HGSNAT: variants seen among roughly 807,000 people sequenced by gnomAD.
HGSNAT encodes transmembrane protein 76.
HGSNAT carries 59 observed loss-of-function variants against 85.2 expected under a neutral mutation model. That is an observed-to-expected ratio of 0.69 (90% CI 0.56 to 0.86). HGSNAT has a LOEUF of 0.86. Among genes scored for constraint, HGSNAT ranks in the 40% least tolerant of loss-of-function variants. The pLI is 0.00. For missense variants in HGSNAT, 756 were observed against 777.1 expected (o/e 0.97, Z 0.32); for synonymous variants, 321 against 304.5 (o/e 1.05, Z -0.56).
chr8:43,172,343 T>C lies in HGSNAT; in HGVS notation c.777T>C (p.Tyr259=), dbSNP rs376365655. 2 of 1,612,142 alleles carry C rather than the reference T, an allele frequency of 1.2e-6. No homozygotes were observed. The highest frequency in any genetic ancestry group is 1.7e-6 in the Non-Finnish European group (2 of 1,178,280). ...IALILMVFVN[Y]GGGKYWYFKH... is the part of the protein sequence containing the mutation. ...TTATACTCATGGTCTTTGTCAATTATGGAGGAGGAAAATATTGGTACTTCA... is the reference window on the plus strand; with the variant it reads ...TTATACTCATGGTCTTTGTCAATTACGGAGGAGGAAAATATTGGTACTTCA... The change falls in exon 8 of 18, where the codon TAT becomes TAC. Residue 259 remains tyrosine (Y), a synonymous_variant. Transcript: ENST00000379644.
In HGSNAT at chr8:43,154,744, C is replaced by A. The variant is rs529254576; in HGVS notation, c.235-3831C>A. ...GCTGGGTCAAATGGTATTTCTAGTT[C>A]TAGATCCCTGAGGAATCGCCACACC... On this transcript the variant is annotated intron_variant, in intron 2 of 17. Transcript: ENST00000379644. 3.6e-3 allele frequency among the ~76,000 whole-genome samples: 544 copies of A among 152,264 alleles called. 11 individuals carry two copies. The highest frequency in any genetic ancestry group is 0.033 in the Admixed American group (505 of 15,288).
At chr8:43,197,593 AAT>A (rs1273516113) in intron 15 of HGSNAT, 77 bp from the exon 16 acceptor site, 2 of 985,296 alleles carry the variant, frequency 2.0e-6, no homozygotes, top group Non-Finnish European at 3.2e-6. Flanking sequence ...TTAAATAACT[AAT>A]ATATATTGGT....
In HGSNAT at chr8:43,146,944, C is replaced by T; in HGVS notation, c.119-4C>T. On this transcript the variant is annotated splice_polypyrimidine_tract_variant and splice_region_variant and intron_variant, in intron 1 of 17. Coordinates refer to ENST00000379644, the MANE Select transcript of HGSNAT (RefSeq NM_152419.3). ...TTTTTTTAACTTTTCCTAATTTCTA[C>T]CAGACTTAGACAAAAAAAGACATGC... The T allele has an allele frequency of 6.6e-7, 1 of 1,518,560 alleles. No homozygotes were observed. Among genetic ancestry groups the T allele is most frequent in the South Asian group, 1.2e-5 (1 of 82,050 alleles). The allele number at this position is 1,518,560 out of a possible 1,614,324, so 94.1% of individuals were successfully genotyped here.
chr8:43,143,992 A>G (rs1394974244), intron 1 of HGSNAT, among the ~76,000 whole-genome samples: 1 of 152,232 alleles, frequency 6.6e-6, no homozygotes, highest in African/African-American at 2.4e-5. Flanking sequence ...AATGCATATC[A>G]GAAGCTATTC....
chr8:43,177,799 A>G (rs1803865165), intron 9 of HGSNAT, among the ~76,000 whole-genome samples: 2 of 152,088 alleles, frequency 1.3e-5, no homozygotes, highest in Admixed American at 1.3e-4. Context: ...TTTCTTTTTG[A>G]TAACGAAATG....
chr8:43,190,533 C>G (rs1586749666), intron 11 of HGSNAT, among the ~76,000 whole-genome samples: 1 of 152,218 alleles, frequency 6.6e-6, no homozygotes, highest in East Asian at 1.9e-4. Flanking sequence ...GGGCACAGAG[C>G]TTGGTCAGCC....
At chr8:43,186,621 T>A (rs1484154473) in intron 11 of HGSNAT, among the ~76,000 whole-genome samples, 1 of 152,214 alleles carries the variant, frequency 6.6e-6, no homozygotes, top group Non-Finnish European at 1.5e-5. Context: ...TTTGAAGGGT[T>A]TTTTGTGTTT....
At chr8:43,166,377 ACT>A (rs1803435802) in intron 5 of HGSNAT, among the ~76,000 whole-genome samples, 1 of 152,260 alleles carries the variant, frequency 6.6e-6, no homozygotes, top group Admixed American at 6.5e-5. Flanking sequence ...GGACAGGCTG[ACT>A]CTCTTGTTAG....
intron 11 of HGSNAT, among the ~76,000 whole-genome samples, chr8:43,183,996 T>A (rs1586742421): frequency 6.6e-6 from 1 of 152,250 alleles, no homozygotes. Context: ...TAGTATTCCA[T>A]GGTGTATATG....
chr8:43,179,607 G>A (rs1248690773), intron 10 of HGSNAT, among the ~76,000 whole-genome samples: 17 of 72,248 alleles, frequency 2.4e-4, no homozygotes, highest in South Asian at 1.8e-3. Flanking sequence ...CAGTAGGGGC[G>A]GCCGGGCAGA....
intron 1 of HGSNAT, among the ~76,000 whole-genome samples, chr8:43,142,955 T>C (rs1287353381): frequency 6.6e-6 from 1 of 152,150 alleles, no homozygotes; most frequent in Non-Finnish European, 1.5e-5. Flanking sequence ...GTGGAGAAAT[T>C]ACGAAGGAAA....
rs549114375 is a variant in HGSNAT at position 43,193,884 on chromosome 8, A to G, written c.1464+41A>G. The G allele has an allele frequency of 1.4e-4, 225 of 1,604,400 alleles. 4 individuals are homozygous for G. The South Asian group carries it at 2.0e-3, about 14-fold the overall frequency. ...ATTAGGTTACTTTTTCTGACAATTT[A>G]TGATATTTTATTCACTCATTTAAAA... On this transcript the variant is annotated intron_variant, in intron 14 of 17. Coordinates refer to ENST00000379644, the MANE Select transcript of HGSNAT (RefSeq NM_152419.3).
intron 6 of HGSNAT, among the ~76,000 whole-genome samples, 159 bp downstream of exon 6, chr8:43,169,401 G>T (rs2130742517): frequency 6.6e-6 from 1 of 152,334 alleles, no homozygotes; most frequent in East Asian, 1.9e-4. Flanking sequence ...CTCTTCAGCT[G>T]CTGGGAAGGG....
intron 4 of HGSNAT, among the ~76,000 whole-genome samples, chr8:43,160,606 C>T (rs570166553): frequency 1.3e-5 from 2 of 152,322 alleles, no homozygotes; most frequent in East Asian, 3.9e-4. Flanking sequence ...TTCCCCTAAA[C>T]CCTAAACTGT....
At chr8:43,172,918 A>G (rs1803678308) in intron 8 of HGSNAT, among the ~76,000 whole-genome samples, 1 of 152,192 alleles carries the variant, frequency 6.6e-6, no homozygotes, top group South Asian at 2.1e-4. Context: ...GTGTCTAGTT[A>G]TGTTCATAGG....
At chr8:43,196,003 T>C (rs1804716173) in intron 14 of HGSNAT, 2 of 167,440 alleles carry the variant, frequency 1.2e-5, no homozygotes, top group South Asian at 2.9e-4. Context: ...CGTATATTCA[T>C]GTAATCCCTA....
chr8:43,141,490 C>T (rs1397549963), intron 1 of HGSNAT, among the ~76,000 whole-genome samples: 1 of 152,174 alleles, frequency 6.6e-6, no homozygotes, highest in Non-Finnish European at 1.5e-5. Context: ...GACCCCTGCA[C>T]CGGGGAGCCC....
chr8:43,181,982 GCCCATGTCTCTTGA>G (rs1804140811), intron 10 of HGSNAT, 149 bp from the exon 11 acceptor site: 8 of 654,512 alleles, frequency 1.2e-5, no homozygotes, highest in Admixed American at 5.2e-5. Flanking sequence ...GCTGGGCTGA[GCCCATGTCTCTTGA>G]CCGTATATAT....
intron 1 of HGSNAT, among the ~76,000 whole-genome samples, chr8:43,140,843 C>T (rs1363072345): frequency 1.3e-5 from 2 of 152,084 alleles, no homozygotes; most frequent in Non-Finnish European, 2.9e-5. Context: ...CGGTTCGGAC[C>T]GCGGCGGAGT....
Sources: gnomAD v4.1 joint callset for allele counts (sites outside exome capture counted in the v4.1 genomes callset) on GRCh38, gnomAD v4.1.1 for gene constraint, MANE v1.5 for transcripts, NCBI Gene and HGNC (gene_info 2026-07-23, HGNC 2026-07-21) for gene names.